The following MIPOL1 variants were observed in gnomAD, a reference collection of about 807,000 sequenced individuals.
MIPOL1 encodes the protein mirror-image polydactyly 1, also known as mirror-image polydactyly gene 1 protein.
MIPOL1 carries 57 observed loss-of-function variants against 60.9 expected under a neutral mutation model. That is an observed-to-expected ratio of 0.94 (90% CI 0.76 to 1.17). The LOEUF (loss-of-function observed/expected upper bound fraction) is 1.17, where lower values mean the gene tolerates loss of function less well. Among genes scored for constraint, MIPOL1 ranks in the 50% most tolerant of loss-of-function variants. The probability of loss-of-function intolerance (pLI) is 0.00; values close to 1 mark genes in which losing one functional copy is unlikely to be tolerated. For synonymous variants in MIPOL1, 179 were observed against 168.8 expected (o/e 1.06, Z -0.47); for missense variants, 551 against 511.6 (o/e 1.08, Z -0.74).
At chr14:37,364,976 A>T (rs939408564) in intron 9 of MIPOL1, among the ~76,000 whole-genome samples, 1 of 152,036 alleles carries the variant, frequency 6.6e-6, no homozygotes, top group Admixed American at 6.6e-5. Context: ...GATAAATGGG[A>T]GTGTTTTCTA....
chr14:37,383,539 TA>T (rs1448604300), intron 10 of MIPOL1, among the ~76,000 whole-genome samples: 2 of 151,924 alleles, frequency 1.3e-5, no homozygotes, highest in Admixed American at 6.6e-5. Flanking sequence ...GGTCAGGTTT[TA>T]AGTCTGAGGT....
chr14:37,433,208 A>G (rs964918447), intron 11 of MIPOL1, among the ~76,000 whole-genome samples: 2 of 151,758 alleles, frequency 1.3e-5, no homozygotes, highest in African/African-American at 2.4e-5. Flanking sequence ...CTACAGGCAC[A>G]TGCCACCATG....
intron 12 of MIPOL1, among the ~76,000 whole-genome samples, chr14:37,540,752 G>A (rs2095526497): frequency 6.6e-6 from 1 of 152,114 alleles, no homozygotes. Context: ...CCTGAAACTT[G>A]AATTTACCAA....
chr14:37,283,934 AT>A (rs2084333353), intron 6 of MIPOL1, among the ~76,000 whole-genome samples: 1 of 152,054 alleles, frequency 6.6e-6, no homozygotes, highest in South Asian at 2.1e-4. Flanking sequence ...AGCTGTTATT[AT>A]TGCCCTTACT....
intron 1 of MIPOL1, among the ~76,000 whole-genome samples, chr14:37,206,755 A>G (rs541395294): frequency 4.2e-4 from 64 of 152,342 alleles, no homozygotes; most frequent in African/African-American, 9.1e-4. Flanking sequence ...TGCATGTGAG[A>G]CATGGAGTCA....
chr14:37,528,068 T>G (rs555584367), intron 12 of MIPOL1, among the ~76,000 whole-genome samples: 1 of 152,238 alleles, frequency 6.6e-6, no homozygotes, highest in East Asian at 1.9e-4. Flanking sequence ...TATTAATATC[T>G]TTTTGATTGG....
chr14:37,264,194 T>C (rs1303598445), intron 3 of MIPOL1, among the ~76,000 whole-genome samples: 12 of 152,094 alleles, frequency 7.9e-5, no homozygotes. Context: ...AAGGTACTAA[T>C]TCAGAAATAA....
Position 37,420,558 on chromosome 14 carries a change from A to C in MIPOL1, c.937-2297A>C, listed in dbSNP as rs569151699. ...ATATCAATCTAGGAAATACTATAGA[A>C]GTAAAGAGCACATTTAAATTGGTTG... On this transcript the variant is annotated intron_variant, in intron 10 of 12. Transcript: ENST00000684589. 2.0e-5 allele frequency among the ~76,000 whole-genome samples: 3 copies of C among 152,306 alleles called. No individual in the cohort carries two copies. In the South Asian group the frequency reaches 6.2e-4, roughly 32 times the overall value.
At chr14:37,524,524 T>C (rs2095433637) in intron 12 of MIPOL1, among the ~76,000 whole-genome samples, 2 of 151,734 alleles carry the variant, frequency 1.3e-5, no homozygotes, top group South Asian at 2.1e-4. Flanking sequence ...ATATAAAATA[T>C]CCAGGTGGAT....
rs2095556298 is a variant in MIPOL1 at position 37,549,455 on chromosome 14, AATT to A, written c.*2493_*2495del. Reference sequence around the variant, plus strand: ...ATAATTTTAGTATTACTGTCATTATAATTATTATTATATTCATTCTACAGATGA... The same window carrying A: ...ATAATTTTAGTATTACTGTCATTATAATTATTATATTCATTCTACAGATGA... On this transcript the variant is annotated 3_prime_UTR_variant, in exon 13 of 13. Coordinates refer to ENST00000684589, the MANE Select transcript of MIPOL1 (RefSeq NM_001388067.1). 2 of 151,686 alleles carry A rather than the reference AATT, an allele frequency of 1.3e-5. No individual in the cohort carries two copies. The highest frequency in any genetic ancestry group is 3.0e-5 in the Non-Finnish European group (2 of 67,770). 9.4% of individuals were successfully genotyped at this position (151,686 alleles called of 1,614,324 possible). A position where few individuals can be genotyped will look rare whatever the true frequency, so the allele number is the denominator to read the frequency against.
At chr14:37,472,561 A>T (rs1202582890) in intron 11 of MIPOL1, among the ~76,000 whole-genome samples, 1 of 152,160 alleles carries the variant, frequency 6.6e-6, no homozygotes, top group Admixed American at 6.5e-5. Context: ...ATGAAAAATG[A>T]TATGATAGCT....
chr14:37,542,219 G>A (rs1299209060), intron 12 of MIPOL1, among the ~76,000 whole-genome samples: 6 of 152,042 alleles, frequency 3.9e-5, no homozygotes, highest in African/African-American at 1.4e-4. Flanking sequence ...CTCATCTCTG[G>A]ATTCTGTGAC....
At chr14:37,218,541 C>G (rs1466631612) in intron 1 of MIPOL1, among the ~76,000 whole-genome samples, 1 of 152,024 alleles carries the variant, frequency 6.6e-6, no homozygotes, top group Non-Finnish European at 1.5e-5. Flanking sequence ...AGAATAGGGT[C>G]TATTTTGGTA....
intron 9 of MIPOL1, among the ~76,000 whole-genome samples, chr14:37,367,706 T>G (rs976941662): frequency 1.3e-5 from 2 of 152,074 alleles, no homozygotes; most frequent in Non-Finnish European, 2.9e-5. Context: ...CACCTTTGAA[T>G]CCTTATAGGT....
At chr14:37,540,717 C>T (rs1340152207) in intron 12 of MIPOL1, among the ~76,000 whole-genome samples, 1 of 152,148 alleles carries the variant, frequency 6.6e-6, no homozygotes, top group Non-Finnish European at 1.5e-5. Context: ...AACTTCTGCA[C>T]TGAATGTGTC....
chr14:37,390,009 G>A (rs1050679225), intron 10 of MIPOL1, among the ~76,000 whole-genome samples: 1 of 151,858 alleles, frequency 6.6e-6, no homozygotes, highest in Non-Finnish European at 1.5e-5. Context: ...GAGACCAGCT[G>A]CTCAACAGGG....
intron 9 of MIPOL1, among the ~76,000 whole-genome samples, chr14:37,324,435 T>C (rs1457756660): frequency 6.6e-6 from 1 of 152,098 alleles, no homozygotes; most frequent in Non-Finnish European, 1.5e-5. Flanking sequence ...TACTGATTTG[T>C]GGTTCTGGAT....
At chr14:37,413,611 A>G (rs1326992831) in intron 10 of MIPOL1, among the ~76,000 whole-genome samples, 1 of 152,194 alleles carries the variant, frequency 6.6e-6, no homozygotes, top group Non-Finnish European at 1.5e-5. Context: ...CTCTTTTCAT[A>G]TAACCTAACA....
chr14:37,542,016 C>G (rs1445671506), intron 12 of MIPOL1, among the ~76,000 whole-genome samples: 1 of 152,204 alleles, frequency 6.6e-6, no homozygotes, highest in African/African-American at 2.4e-5. Flanking sequence ...TACATCCTAA[C>G]CAAGCTCTTA....
Sources: allele counts gnomAD v4.1 joint callset (sites outside exome capture counted in the v4.1 genomes callset), GRCh38; gene constraint gnomAD v4.1.1; transcripts MANE v1.5; gene names NCBI Gene and HGNC (gene_info 2026-07-23, HGNC 2026-07-21).